TPPP: variants seen among roughly 807,000 people sequenced by gnomAD.
The protein encoded by TPPP is tubulin polymerization-promoting protein.
TPPP carries 6 observed loss-of-function variants against 15.5 expected under a neutral mutation model. The ratio of observed to expected loss-of-function variants is 0.39; its 90% CI spans 0.21 to 0.77. The LOEUF is 0.77. Among genes scored for constraint, TPPP ranks in the 30% least tolerant of loss-of-function variants. The probability of loss-of-function intolerance (pLI) is 0.42; values close to 1 mark genes in which losing one functional copy is unlikely to be tolerated. For missense variants in TPPP, 269 were observed against 307.2 expected, an observed-to-expected ratio of 0.88 and a Z score of 0.93; for synonymous variants, 146 against 133.9, an observed-to-expected ratio of 1.09 and a Z score of -0.63.
intron 2 of TPPP, among the ~76,000 whole-genome samples, chr5:674,657 C>G (rs1260530579): frequency 1.3e-5 from 2 of 151,698 alleles, no homozygotes; most frequent in Non-Finnish European, 2.9e-5. Context: ...CCAGGACCTG[C>G]CAGCAGCTGG....
chr5:665,575 G>A (rs938529786), intron 3 of TPPP, among the ~76,000 whole-genome samples: 9 of 151,990 alleles, frequency 5.9e-5, no homozygotes, highest in Non-Finnish European at 1.0e-4. Flanking sequence ...GGAAGGGGCT[G>A]TCAGAACAGC....
intron 1 of TPPP, among the ~76,000 whole-genome samples, chr5:682,742 C>A (rs1373481105): frequency 6.6e-6 from 1 of 152,170 alleles, no homozygotes; most frequent in South Asian, 2.1e-4. Flanking sequence ...TTGTTCACTG[C>A]CCACGCCCAC....
Position 666,161 on chromosome 5 carries a change from C to T in TPPP, c.312-38G>A, listed in dbSNP as rs375793550. ...AGGCGACTTAGGGCTGGGCGCGGGC[C>T]GGCCCAGGGCTGCCCTCCCCACGCG... On this transcript the variant is annotated intron_variant, in intron 2 of 3. Coordinates refer to ENST00000360578, the MANE Select transcript of TPPP (RefSeq NM_007030.3). 1.5e-4 allele frequency: 226 copies of T among 1,542,806 alleles called. No individual in the cohort carries two copies. The South Asian group carries it at 2.2e-3, about 15-fold the overall frequency.
In TPPP at chr5:664,993, G is replaced by T; in HGVS notation, c.*109C>A. On this transcript the variant is annotated 3_prime_UTR_variant, in exon 4 of 4. Coordinates refer to ENST00000360578, the MANE Select transcript of TPPP (RefSeq NM_007030.3). ...CTGGCCGCCCCCCAGCCCCCTCTGG[G>T]GCACCCGTCTGAGTTCTGCCCCAGT... 7 of 1,364,320 alleles carry T rather than the reference G, an allele frequency of 5.1e-6. No homozygotes were observed. Among genetic ancestry groups the T allele is most frequent in the Non-Finnish European group, 7.0e-6 (7 of 1,004,150 alleles). 84.5% of individuals were successfully genotyped at this position (1,364,320 alleles called of 1,614,324 possible).
rs866170498 is a variant in TPPP, at chr5:672,426, C to T, written c.311+5324G>A. On this transcript the variant is annotated intron_variant, in intron 2 of 3. Transcript: ENST00000360578. The stretch of plus-strand genomic sequence containing the variant: ...TTTACTTGGGAAAATACACCACACC[C>T]AGCACACAAGCGTGGGTCCTGGGGG... Among the ~76,000 whole-genome samples, 4 of 152,276 alleles carry T rather than the reference C, an allele frequency of 2.6e-5. No homozygotes were observed. The South Asian group carries it at 8.3e-4, about 31-fold the overall frequency.
In TPPP at chr5:663,909, TCCC is replaced by T; in HGVS notation, c.*1190_*1192del. 6.6e-6 allele frequency: 1 copy of T among 152,468 alleles called. No homozygotes were observed. The allele number at this position is 152,468 out of a possible 1,614,324, so 9.4% of individuals were successfully genotyped here. On this transcript the variant is annotated 3_prime_UTR_variant, in exon 4 of 4. Coordinates refer to ENST00000360578, the MANE Select transcript of TPPP (RefSeq NM_007030.3). ...CAGCGGGTGGCCACACCCGTCAGCC[TCCC>T]CAGGAGGGAGCAGGAGCGCCGGCTT...
chr5:677,039 G>A (rs1239948717), intron 2 of TPPP, among the ~76,000 whole-genome samples: 2 of 147,374 alleles, frequency 1.4e-5, no homozygotes, highest in African/African-American at 2.5e-5. Flanking sequence ...CACACGACGC[G>A]GAAACGCACA....
At chr5:685,259 C>T (rs1223838818) in intron 1 of TPPP, among the ~76,000 whole-genome samples, 1 of 152,250 alleles carries the variant, frequency 6.6e-6, no homozygotes, top group Non-Finnish European at 1.5e-5. Flanking sequence ...AGGTCGGGCT[C>T]CTGCTCTCCA....
At chr5:668,111 C>A (rs139528526) in intron 2 of TPPP, among the ~76,000 whole-genome samples, 17,775 of 39,446 alleles carry the variant, frequency 0.45, 5,383 homozygotes, top group African/African-American at 0.8. Flanking sequence ...AGGGAAGTAC[C>A]GACAAGCACA....
chr5:665,351 G>T, intron 3 of TPPP, 55 bp from the exon 4 acceptor site: 1 of 1,535,650 alleles, frequency 6.5e-7, no homozygotes, highest in Non-Finnish European at 8.8e-7. Context: ...GGTGAGGCCA[G>T]CAAGTGAAAT....
At chr5:677,154 C>A (rs1252674760) in intron 2 of TPPP, among the ~76,000 whole-genome samples, 4 of 152,270 alleles carry the variant, frequency 2.6e-5, no homozygotes, top group Non-Finnish European at 5.9e-5. Context: ...GTGCCCTTTG[C>A]CATTTTGCCG....
intron 2 of TPPP, among the ~76,000 whole-genome samples, chr5:667,508 G>T (rs941747432): frequency 1.3e-5 from 2 of 152,162 alleles, no homozygotes; most frequent in African/African-American, 4.8e-5. Flanking sequence ...GTTAGGCGAA[G>T]ATTTCTTAGA....
intron 1 of TPPP, among the ~76,000 whole-genome samples, chr5:681,279 G>A (rs1485014313): frequency 2.0e-4 from 30 of 152,216 alleles, no homozygotes; most frequent in African/African-American, 4.8e-5. Context: ...AGAAGGTTGT[G>A]TAGCAGAAGA....
intron 2 of TPPP, among the ~76,000 whole-genome samples, chr5:672,295 C>T (rs1740251695): frequency 6.6e-6 from 1 of 151,238 alleles, no homozygotes; most frequent in Admixed American, 6.5e-5. Flanking sequence ...TCTCAGTCTC[C>T]CACTGGCCCT....
In TPPP at chr5:675,465, G is replaced by GGGGGTGCAGTGTGGCCA. The variant is rs1561087255; in HGVS notation, c.311+2268_311+2284dup. On this transcript the variant is annotated intron_variant, in intron 2 of 3. Transcript: ENST00000360578. ...TGCAGTGTGGCTGGGGTGCAGCACAGGGGGTGCAGTGTGGCCAGGGGTACA... is the reference window on the plus strand; with the variant it reads ...TGCAGTGTGGCTGGGGTGCAGCACAGGGGGTGCAGTGTGGCCAGGGGTGCAGTGTGGCCAGGGGTACA... 6.6e-5 allele frequency among the ~76,000 whole-genome samples: 3 copies of GGGGGTGCAGTGTGGCCA among 45,468 alleles called. No homozygotes were observed. In the South Asian group the frequency reaches 1.8e-3, roughly 27 times the overall value. 29.8% of individuals were successfully genotyped at this position (45,468 alleles called of 152,430 possible).
At chr5:666,674 G>A (rs866173575) in intron 2 of TPPP, among the ~76,000 whole-genome samples, 1 of 151,720 alleles carries the variant, frequency 6.6e-6, no homozygotes, top group African/African-American at 2.4e-5. Flanking sequence ...GGCCTCAGAG[G>A]TGCAGAGCCC....
chr5:685,687 T>G (rs1193934747), intron 1 of TPPP, among the ~76,000 whole-genome samples: 1 of 152,220 alleles, frequency 6.6e-6, no homozygotes, highest in East Asian at 1.9e-4. Context: ...CCTCTGCCTC[T>G]GGGAACCACA....
At chr5:694,197 CG>C (rs1328370056), upstream of TPPP, among the ~76,000 whole-genome samples, 5 of 151,754 alleles carry the variant, frequency 3.3e-5, no homozygotes, top group African/African-American at 1.2e-4. Flanking sequence ...TCATTCCGCC[CG>C]GGGCTGCCCG....
chr5:674,757 T>C (rs1386072924), intron 2 of TPPP, among the ~76,000 whole-genome samples: 3 of 151,786 alleles, frequency 2.0e-5, no homozygotes, highest in African/African-American at 7.3e-5. Context: ...TGGTCTGTCC[T>C]CCAGGCAGAG....
Sources: gnomAD v4.1 joint callset for allele counts (sites outside exome capture counted in the v4.1 genomes callset) on GRCh38, gnomAD v4.1.1 for gene constraint, MANE v1.5 for transcripts, NCBI Gene and HGNC (gene_info 2026-07-23, HGNC 2026-07-21) for gene names.